AGBL4: variants seen among roughly 807,000 people sequenced by gnomAD.
AGBL4 encodes AGBL carboxypeptidase 4.
A neutral mutation model predicts 66.4 loss-of-function variants in AGBL4; 58 were observed. The observed-to-expected ratio is 0.87, with a 90% CI of 0.71 to 1.09. The LOEUF is 1.09. AGBL4 is among the 50% of genes least tolerant of loss of function. AGBL4 has a pLI of 0.00. For missense variants in AGBL4, 579 were observed against 631.0 expected, an observed-to-expected ratio of 0.92 and a Z score of 0.88; for synonymous variants, 234 against 222.9, an observed-to-expected ratio of 1.05 and a Z score of -0.44.
chr1:49,212,276 A>G (rs908143010), intron 4 of AGBL4, among the ~76,000 whole-genome samples: 2 of 152,100 alleles, frequency 1.3e-5, no homozygotes, highest in African/African-American at 4.8e-5. Context: ...GACAATTAGT[A>G]CCCTGATCAC....
At chr1:49,520,385 C>T (rs548489015) in intron 3 of AGBL4, among the ~76,000 whole-genome samples, 2 of 152,162 alleles carry the variant, frequency 1.3e-5, no homozygotes, top group South Asian at 4.1e-4. Context: ...AACTACCCAA[C>T]TGAACTTCAA....
intron 4 of AGBL4, among the ~76,000 whole-genome samples, chr1:49,182,196 T>C (rs1168443078): frequency 2.6e-5 from 4 of 152,218 alleles, no homozygotes; most frequent in Non-Finnish European, 2.9e-5. Flanking sequence ...AAGTGGATCC[T>C]GAAAGATAGC....
chr1:48,672,833 T>G (rs1446709723), intron 6 of AGBL4, among the ~76,000 whole-genome samples: 2 of 152,094 alleles, frequency 1.3e-5, no homozygotes, highest in African/African-American at 2.4e-5. Context: ...TAAGAACAAT[T>G]GTTATGAAAT....
At chr1:49,262,401 ACTCATCTGACAAAGGGCTAATAT>A (rs1478547596) in intron 3 of AGBL4, among the ~76,000 whole-genome samples, 1 of 152,232 alleles carries the variant, frequency 6.6e-6, no homozygotes, top group African/African-American at 2.4e-5. Flanking sequence ...TTCACAACCT[ACTCATCTGACAAAGGGCTAATAT>A]CCAGAATCTA....
intron 3 of AGBL4, among the ~76,000 whole-genome samples, chr1:49,622,809 A>G (rs1645393148): frequency 1.3e-5 from 2 of 152,236 alleles, no homozygotes; most frequent in South Asian, 4.1e-4. Flanking sequence ...TTCAATTGCC[A>G]TGATATTTTG....
chr1:48,532,649 A>C (rs897117021), downstream of AGBL4, among the ~76,000 whole-genome samples: 5 of 152,184 alleles, frequency 3.3e-5, no homozygotes, highest in Non-Finnish European at 7.3e-5. Context: ...GGTGCATGCC[A>C]AGCTGGTTGC....
intron 3 of AGBL4, among the ~76,000 whole-genome samples, chr1:49,314,636 A>G (rs556597827): frequency 4.6e-5 from 7 of 152,074 alleles, no homozygotes; most frequent in Non-Finnish European, 8.8e-5. Flanking sequence ...ATCATTGATG[A>G]GCATTTTGGT....
chr1:49,832,589 T>C (rs985760028), intron 2 of AGBL4, among the ~76,000 whole-genome samples: 2 of 151,874 alleles, frequency 1.3e-5, no homozygotes, highest in Non-Finnish European at 2.9e-5. Flanking sequence ...TCCACAATGG[T>C]TGAACTAGTT....
At chr1:49,585,369 A>G (rs1644627916) in intron 3 of AGBL4, among the ~76,000 whole-genome samples, 1 of 152,196 alleles carries the variant, frequency 6.6e-6, no homozygotes, top group African/African-American at 2.4e-5. Flanking sequence ...TGAAATAAAC[A>G]GCTATATTGG....
Position 49,925,533 on chromosome 1 carries a change from T to C in AGBL4, c.35-74015A>G, listed in dbSNP as rs192367718. On this transcript the variant is annotated intron_variant, in intron 1 of 13. Coordinates refer to ENST00000371839, the MANE Select transcript of AGBL4 (RefSeq NM_032785.4). ...AAGGGGACTTTGTCTTGAGCTTGGG[T>C]GTCAGCTTGGCCAAAGAGGGACAGG... Among the ~76,000 whole-genome samples the C allele has an allele frequency of 1.1e-3, 172 of 152,192 alleles. 1 individual carries two copies. Among genetic ancestry groups the C allele is most frequent in the African/African-American group, 4.0e-3 (168 of 41,540 alleles).
intron 3 of AGBL4, among the ~76,000 whole-genome samples, chr1:49,267,859 C>T (rs561543447): frequency 2.0e-5 from 3 of 152,040 alleles, no homozygotes; most frequent in South Asian, 2.1e-4. Context: ...TTATAAAAAC[C>T]ATCAGATCTC....
At chr1:49,981,559 T>C (rs1256330096) in intron 1 of AGBL4, among the ~76,000 whole-genome samples, 3 of 151,960 alleles carry the variant, frequency 2.0e-5, no homozygotes, top group African/African-American at 4.8e-5. Flanking sequence ...TATATAAATA[T>C]ATATATACAC....
intron 8 of AGBL4, among the ~76,000 whole-genome samples, chr1:48,645,226 A>G (rs1645816725): frequency 6.6e-6 from 1 of 152,130 alleles, no homozygotes; most frequent in Non-Finnish European, 1.5e-5. Context: ...AGGTTACATA[A>G]AGCAGGAGAG....
At chr1:48,637,204 C>T (rs775986385) in intron 8 of AGBL4, among the ~76,000 whole-genome samples, 1 of 152,152 alleles carries the variant, frequency 6.6e-6, no homozygotes, top group African/African-American at 2.4e-5. Flanking sequence ...TTATTTTATG[C>T]TATGTTCTAT....
intron 1 of AGBL4, among the ~76,000 whole-genome samples, chr1:49,870,914 G>T (rs1571757283): frequency 6.6e-6 from 1 of 152,034 alleles, no homozygotes; most frequent in East Asian, 1.9e-4. Context: ...ATATAAAATG[G>T]TTCAGCCAAC....
chr1:49,121,525 A>G (rs1232737834), intron 4 of AGBL4, among the ~76,000 whole-genome samples: 11 of 152,162 alleles, frequency 7.2e-5, no homozygotes, highest in Admixed American at 6.5e-4. Flanking sequence ...TCTGGGTATC[A>G]TCAGCAGAGG....
chr1:49,091,335 C>A (rs1644999765), intron 4 of AGBL4, among the ~76,000 whole-genome samples: 1 of 152,046 alleles, frequency 6.6e-6, no homozygotes, highest in African/African-American at 2.4e-5. Context: ...ATGCATCCAA[C>A]AAAGATCTGA....
At chr1:49,821,103 G>T (rs141525252) in intron 2 of AGBL4, among the ~76,000 whole-genome samples, 2 of 152,222 alleles carry the variant, frequency 1.3e-5, no homozygotes, top group African/African-American at 2.4e-5. Context: ...GTAGCACATG[G>T]GGAGTTCCCC....
intron 6 of AGBL4, among the ~76,000 whole-genome samples, chr1:48,804,139 C>G (rs1229993444): frequency 6.6e-6 from 1 of 152,166 alleles, no homozygotes; most frequent in Non-Finnish European, 1.5e-5. Flanking sequence ...GCTACTATCT[C>G]TTGTAACTTT....
Sources: allele counts gnomAD v4.1 joint callset (sites outside exome capture counted in the v4.1 genomes callset), GRCh38; gene constraint gnomAD v4.1.1; transcripts MANE v1.5; gene names NCBI Gene and HGNC (gene_info 2026-07-23, HGNC 2026-07-21).